The following PDE1C variants were observed in gnomAD, a reference collection of about 807,000 sequenced individuals.
The protein encoded by PDE1C is dual specificity calcium/calmodulin-dependent 3',5'-cyclic nucleotide phosphodiesterase 1C.
Under a neutral mutation model 93.1 loss-of-function variants are expected in PDE1C, and 62 were observed. The ratio of observed to expected loss-of-function variants is 0.67; its 90% CI spans 0.54 to 0.82. The LOEUF (loss-of-function observed/expected upper bound fraction) is 0.82, where lower values mean the gene tolerates loss of function less well. PDE1C is among the 40% of genes least tolerant of loss of function. The pLI is 0.00. For missense variants in PDE1C, 742 were observed against 884.6 expected, an observed-to-expected ratio of 0.84 and a Z score of 2.04; for synonymous variants, 325 against 310.1, an observed-to-expected ratio of 1.05 and a Z score of -0.50.
At chr7:31,847,154 G>A (rs755374553) in intron 9 of PDE1C, among the ~76,000 whole-genome samples, 3 of 152,098 alleles carry the variant, frequency 2.0e-5, no homozygotes, top group African/African-American at 7.2e-5. Context: ...TGCTATATAT[G>A]AGACAAAGTG....
At chr7:32,335,734 TTTTG>T (rs975667764) in intron 1 of PDE1C, among the ~76,000 whole-genome samples, 1 of 146,608 alleles carries the variant, frequency 6.8e-6, no homozygotes, top group South Asian at 2.2e-4. Flanking sequence ...GTTTGTTTGT[TTTTG>T]TTTGTTTTGA....
chr7:31,745,141 T>C, the PDE1C span, among the ~76,000 whole-genome samples: 1,634 of 152,104 alleles, frequency 0.011, 24 homozygotes, highest in African/African-American at 0.035. Context: ...CTAATTGATT[T>C]TAACAGAATG....
chr7:31,716,299 C>A, the PDE1C span, among the ~76,000 whole-genome samples: 1 of 152,118 alleles, frequency 6.6e-6, no homozygotes, highest in African/African-American at 2.4e-5. Context: ...ACCTATGGGG[C>A]CAGATCCTGC....
At chr7:32,085,441 C>G (rs1323825220) in intron 3 of PDE1C, among the ~76,000 whole-genome samples, 3 of 148,794 alleles carry the variant, frequency 2.0e-5, no homozygotes, top group African/African-American at 7.5e-5. Context: ...GGAACTGGTA[C>G]CATTCCTTCT....
intron 1 of PDE1C, chr7:32,209,650 G>T: frequency 1.1e-6 from 1 of 902,366 alleles, no homozygotes; most frequent in Non-Finnish European, 1.7e-6. Context: ...GTATTTAAGA[G>T]TCTTTGTAAG....
intron 3 of PDE1C, among the ~76,000 whole-genome samples, chr7:32,130,167 C>G (rs577655235): frequency 1.7e-4 from 26 of 152,034 alleles, no homozygotes; most frequent in Admixed American, 4.6e-4. Flanking sequence ...ACAGAAAAGG[C>G]AGGACCAACA....
intron 11 of PDE1C, among the ~76,000 whole-genome samples, chr7:31,831,476 GCACACACACACACACATGCACGCACACA>G: frequency 7.1e-6 from 1 of 141,150 alleles, no homozygotes; most frequent in South Asian, 2.3e-4. Flanking sequence ...GGAAGTAAAG[GCACACACACACACACATGCACGCACACA>G]CACACACACA....
intron 2 of PDE1C, among the ~76,000 whole-genome samples, chr7:32,002,630 T>C (rs1785625391): frequency 1.3e-5 from 2 of 152,288 alleles, no homozygotes; most frequent in South Asian, 2.1e-4. Context: ...ACAAAAACCA[T>C]AGCCAGAGAA....
intron 3 of PDE1C, among the ~76,000 whole-genome samples, chr7:32,153,979 C>G (rs945125118): frequency 6.6e-6 from 1 of 152,196 alleles, no homozygotes; most frequent in East Asian, 1.9e-4. Context: ...TACGGCCAGG[C>G]GCAATGGCTT....
intron 2 of PDE1C, among the ~76,000 whole-genome samples, chr7:31,920,638 A>G (rs779671514): frequency 6.6e-6 from 1 of 152,214 alleles, no homozygotes; most frequent in Non-Finnish European, 1.5e-5. Context: ...TAAAATTATC[A>G]CATGTTCCTA....
the PDE1C span, chr7:31,707,447 C>G: frequency 1.2e-5 from 7 of 590,384 alleles, no homozygotes; most frequent in Admixed American, 1.0e-4. Flanking sequence ...CCAGTCACCT[C>G]TTTGTCTCTC....
chr7:31,629,210 G>A, the PDE1C span, among the ~76,000 whole-genome samples: 1 of 152,090 alleles, frequency 6.6e-6, no homozygotes, highest in Non-Finnish European at 1.5e-5. Context: ...AATCGGATCT[G>A]CCCTCCTTTT....
At chr7:31,946,363 CATAATCTAAGCCCA>C (rs1363680095) in intron 2 of PDE1C, among the ~76,000 whole-genome samples, 2 of 152,110 alleles carry the variant, frequency 1.3e-5, no homozygotes, top group Non-Finnish European at 2.9e-5. Flanking sequence ...CCTGCCACAC[CATAATCTAAGCCCA>C]GGGCATAAAA....
chr7:32,076,376 C>T (rs1253848955), upstream of PDE1C, among the ~76,000 whole-genome samples: 1 of 152,110 alleles, frequency 6.6e-6, no homozygotes, highest in Non-Finnish European at 1.5e-5. Flanking sequence ...TGCAGTGGCT[C>T]ATGCCTGTAA....
At chr7:32,262,743 G>GTAA (rs1395566739) in intron 1 of PDE1C, among the ~76,000 whole-genome samples, 3 of 152,202 alleles carry the variant, frequency 2.0e-5, no homozygotes, top group Non-Finnish European at 4.4e-5. Context: ...GGGAGCCCCC[G>GTAA]TAACAACTCT....
At chr7:31,642,310 A>G in the PDE1C span, 1 of 1,251,504 alleles carries the variant, frequency 8.0e-7, no homozygotes, top group Non-Finnish European at 1.1e-6. Flanking sequence ...ATCCCACTTC[A>G]GCCCTATCAA....
At chr7:31,776,579 T>C (rs929816394) in intron 16 of PDE1C, among the ~76,000 whole-genome samples, 3 of 152,224 alleles carry the variant, frequency 2.0e-5, no homozygotes, top group Non-Finnish European at 4.4e-5. Context: ...ATTTTTTGTA[T>C]ATATGTATGT....
At chr7:31,683,476 A>G in the PDE1C span, among the ~76,000 whole-genome samples, 6 of 152,086 alleles carry the variant, frequency 3.9e-5, no homozygotes, top group Admixed American at 1.3e-4. Flanking sequence ...CTTATAGATT[A>G]AAGAGTTCCC....
At chr7:31,619,666 C>G in the PDE1C span, among the ~76,000 whole-genome samples, 6 of 152,188 alleles carry the variant, frequency 3.9e-5, no homozygotes, top group African/African-American at 1.2e-4. Flanking sequence ...TCTACAGCCC[C>G]CAGCGTGAGC....
Sources: gnomAD v4.1 joint callset for allele counts (sites outside exome capture counted in the v4.1 genomes callset) on GRCh38, gnomAD v4.1.1 for gene constraint, MANE v1.5 for transcripts, NCBI Gene and HGNC (gene_info 2026-07-23, HGNC 2026-07-21) for gene names.